Variants in FBXO22 observed in about 807,000 individuals in gnomAD.
The protein encoded by FBXO22 is F-box protein 22.
A neutral mutation model predicts 37.2 loss-of-function variants in FBXO22; 13 were observed. That is an observed-to-expected ratio of 0.35 (90% CI 0.23 to 0.56). The LOEUF (loss-of-function observed/expected upper bound fraction) is 0.56, where lower values mean the gene tolerates loss of function less well. FBXO22 is among the 20% of genes least tolerant of loss of function. The probability of loss-of-function intolerance (pLI) is 0.87; values close to 1 mark genes in which losing one functional copy is unlikely to be tolerated. For synonymous variants in FBXO22, 189 were observed against 189.1 expected (o/e 1.00, Z 0.00); for missense variants, 446 against 509.9 (o/e 0.87, Z 1.21).
At chr15:75,927,725 C>T (rs2029876346) in intron 5 of FBXO22, among the ~76,000 whole-genome samples, 1 of 152,174 alleles carries the variant, frequency 6.6e-6, no homozygotes, top group African/African-American at 2.4e-5. Flanking sequence ...CAGTAATTTA[C>T]TGTGTAGAGA....
Position 75,933,042 on chromosome 15 carries a change from T to C in FBXO22, c.1152T>C (p.Asp384=). 1 of 1,614,224 alleles carries C rather than the reference T, an allele frequency of 6.2e-7. No homozygotes were observed. The highest frequency in any genetic ancestry group is 8.5e-7 in the Non-Finnish European group (1 of 1,180,034). The change falls in exon 7 of 7, where the codon GAT becomes GAC. Residue 384 remains aspartate, a synonymous_variant. Coordinates refer to ENST00000308275, the MANE Select transcript of FBXO22 (RefSeq NM_147188.3). ...ILRKCNEVKD[D]DLFHSYTTIM... is the part of the protein sequence containing the mutation. ...GGAAATGTAATGAGGTAAAAGATGA[T>C]GATCTGTTTCATAGCTATACAACAA...
At position 75,938,591 on chromosome 15, in the gene FBXO22, T is replaced by TA. The variant is rs911220537; in HGVS notation, c.*5496dup. 1.3e-5 allele frequency: 2 copies of TA among 152,112 alleles called. No individual in the cohort carries two copies. The highest frequency in any genetic ancestry group is 4.8e-5 in the African/African-American group (2 of 41,414). 9.4% of individuals were successfully genotyped at this position (152,112 alleles called of 1,614,324 possible). ...TCAGAATATCAACAGATAGGCATTA[T>TA]AAAAAAATTCTGGCAGAGAAAAGTA... is the stretch of plus-strand genomic sequence containing the variant. On this transcript the variant is annotated 3_prime_UTR_variant, in exon 7 of 7. Transcript: ENST00000308275.
chr15:75,918,976 G>C (rs1010564312), intron 5 of FBXO22, among the ~76,000 whole-genome samples: 4 of 151,994 alleles, frequency 2.6e-5, no homozygotes, highest in African/African-American at 9.7e-5. Context: ...GTTTGTTTTG[G>C]AGACAGAGTC....
Position 75,912,918 on chromosome 15 carries a change from C to T in FBXO22, c.280-285C>T, listed in dbSNP as rs141694406. Among the ~76,000 whole-genome samples, 430 of 152,290 alleles carry T rather than the reference C, an allele frequency of 2.8e-3. 2 individuals carry two copies. Among genetic ancestry groups the T allele is most frequent in the African/African-American group, 9.7e-3 (405 of 41,562 alleles). ...TGTGCATTTAGTGCTATAAATTTCC[C>T]TGTAAACACTGCTTTAGCTGTGTCC... On this transcript the variant is annotated intron_variant, in intron 2 of 6. Transcript: ENST00000308275.
intron 5 of FBXO22, 31 bp from the exon 6 acceptor site, chr15:75,929,853 T>C: frequency 6.2e-7 from 1 of 1,613,158 alleles, no homozygotes; most frequent in Non-Finnish European, 8.5e-7. Flanking sequence ...TTTAAGGCTG[T>C]CTTTAACTGT....
Position 75,937,823 on chromosome 15 carries a change from C to CCTAA in FBXO22, c.*4724_*4727dup, listed in dbSNP as rs2030528656. 1.3e-5 allele frequency: 2 copies of CCTAA among 152,236 alleles called. No homozygotes were observed. Among genetic ancestry groups the CCTAA allele is most frequent in the East Asian group, 3.9e-4 (2 of 5,186 alleles). 9.4% of individuals were successfully genotyped at this position (152,236 alleles called of 1,614,324 possible). A position where few individuals can be genotyped will look rare whatever the true frequency, so the allele number is the denominator to read the frequency against. On this transcript the variant is annotated 3_prime_UTR_variant, in exon 7 of 7. Coordinates refer to ENST00000308275, the MANE Select transcript of FBXO22 (RefSeq NM_147188.3). Reference sequence around the variant, plus strand: ...GACACAAGGTCACATGTTTGTTTTGCCTAACTGGTAGGGTGGGCACTGCTT... The same window carrying CCTAA: ...GACACAAGGTCACATGTTTGTTTTGCCTAACTAACTGGTAGGGTGGGCACTGCTT...
Position 75,913,309 on chromosome 15 carries a change from G to A in FBXO22, c.367+19G>A, listed in dbSNP as rs984401794. 5 of 1,532,420 alleles carry A rather than the reference G, an allele frequency of 3.3e-6. No individual in the cohort carries two copies. Among genetic ancestry groups the A allele is most frequent in the Non-Finnish European group, 4.5e-6 (5 of 1,111,690 alleles). 94.9% of individuals were successfully genotyped at this position (1,532,420 alleles called of 1,614,324 possible). ...AAGAGAGGTAAATATCAAAAGAAAA[G>A]CTTTTGCTTCTGTTTTTTTATCATG... On this transcript the variant is annotated intron_variant, in intron 3 of 6. Transcript: ENST00000308275.
rs2030708971 is a variant in FBXO22, at chr15:75,939,410, A to T, written c.*6308A>T. 6.6e-6 allele frequency: 1 copy of T among 152,194 alleles called. No individual in the cohort carries two copies. Among genetic ancestry groups the T allele is most frequent in the Non-Finnish European group, 1.5e-5 (1 of 68,012 alleles). The allele number at this position is 152,194 out of a possible 1,614,324, so 9.4% of individuals were successfully genotyped here. ...TCAATAGAACTATAACCAGTAAGGTAATTGAATTAGTAATCAAAATTCTCC... is the reference window on the plus strand; with the variant it reads ...TCAATAGAACTATAACCAGTAAGGTTATTGAATTAGTAATCAAAATTCTCC... On this transcript the variant is annotated 3_prime_UTR_variant, in exon 7 of 7. Transcript: ENST00000308275.
chr15:75,931,484 G>C (rs936816772), intron 6 of FBXO22, among the ~76,000 whole-genome samples: 1 of 152,184 alleles, frequency 6.6e-6, no homozygotes, highest in Non-Finnish European at 1.5e-5. Flanking sequence ...GTACCAAAGA[G>C]GAAATGTGAT....
At chr15:75,927,941 A>G (rs556230813) in intron 5 of FBXO22, among the ~76,000 whole-genome samples, 2 of 152,158 alleles carry the variant, frequency 1.3e-5, no homozygotes, top group Admixed American at 6.5e-5. Flanking sequence ...CCTGTCCCCA[A>G]AGCACCCGTT....
chr15:75,917,177 G>A, intron 4 of FBXO22, 53 bp from the exon 5 acceptor site: 1 of 1,330,206 alleles, frequency 7.5e-7, no homozygotes, highest in Non-Finnish European at 1.1e-6. Context: ...CTAAACTGTA[G>A]TTATCTAGTT....
At chr15:75,929,114 T>A (rs1370047553) in intron 5 of FBXO22, among the ~76,000 whole-genome samples, 1 of 152,094 alleles carries the variant, frequency 6.6e-6, no homozygotes, top group Non-Finnish European at 1.5e-5. Flanking sequence ...TGGGAGGCTG[T>A]AGGGGAGAGT....
At chr15:75,908,602 T>C (rs921845988) in intron 2 of FBXO22, among the ~76,000 whole-genome samples, 4 of 152,128 alleles carry the variant, frequency 2.6e-5, no homozygotes, top group African/African-American at 7.2e-5. Flanking sequence ...CTTTACTCAC[T>C]ATACCAGGCA....
chr15:75,924,614 A>C (rs1900400486), intron 5 of FBXO22, among the ~76,000 whole-genome samples: 1 of 152,150 alleles, frequency 6.6e-6, no homozygotes, highest in Non-Finnish European at 1.5e-5. Context: ...GGCAGTGCTC[A>C]TGCACTTCTT....
rs1004023748 is a variant in FBXO22, at chr15:75,937,798, G to A, written c.*4696G>A. 6.6e-6 allele frequency: 1 copy of A among 152,182 alleles called. No individual in the cohort carries two copies. The allele number at this position is 152,182 out of a possible 1,614,324, so 9.4% of individuals were successfully genotyped here. ...CCTGTCTGCGGATACTTGAAGGACT[G>A]ACACAAGGTCACATGTTTGTTTTGC... On this transcript the variant is annotated 3_prime_UTR_variant, in exon 7 of 7. Coordinates refer to ENST00000308275, the MANE Select transcript of FBXO22 (RefSeq NM_147188.3).
chr15:75,941,957 A>AC lies in FBXO22; in HGVS notation c.*8855_*8856insC, dbSNP rs2031022228. 2.3e-5 allele frequency: 3 copies of AC among 129,284 alleles called. No individual in the cohort carries two copies. The highest frequency in any genetic ancestry group is 2.2e-4 in the East Asian group (1 of 4,600). 8.0% of individuals were successfully genotyped at this position (129,284 alleles called of 1,614,324 possible). On this transcript the variant is annotated 3_prime_UTR_variant, in exon 7 of 7. Coordinates refer to ENST00000308275, the MANE Select transcript of FBXO22 (RefSeq NM_147188.3). The stretch of plus-strand genomic sequence containing the variant: ...TAAACCACCAAAAAAAAAAAAAAAA[A>AC]AAAATATGGCCTAGCTTTTTTTTTT...
intron 3 of FBXO22, 93 bp downstream of exon 3, chr15:75,913,383 A>G (rs1360261145): frequency 3.6e-6 from 3 of 831,954 alleles, no homozygotes; most frequent in Non-Finnish European, 5.8e-6. Flanking sequence ...GAGTTAACTG[A>G]CTTTCTGAGG....
At chr15:75,909,192 C>G (rs1899993708) in intron 2 of FBXO22, among the ~76,000 whole-genome samples, 1 of 152,126 alleles carries the variant, frequency 6.6e-6, no homozygotes, top group Non-Finnish European at 1.5e-5. Context: ...AAGCCCAGCT[C>G]ATAGGGGAGA....
At chr15:75,921,334 C>T (rs1900318339) in intron 5 of FBXO22, among the ~76,000 whole-genome samples, 3 of 152,196 alleles carry the variant, frequency 2.0e-5, no homozygotes, top group Admixed American at 6.5e-5. Flanking sequence ...AGTTTATAAA[C>T]ACTGTATGCT....
Sources: allele counts gnomAD v4.1 joint callset (sites outside exome capture counted in the v4.1 genomes callset), GRCh38; gene constraint gnomAD v4.1.1; transcripts MANE v1.5; gene names NCBI Gene and HGNC (gene_info 2026-07-23, HGNC 2026-07-21).